Variants in PASD1 observed in about 807,000 individuals in gnomAD.
PASD1 encodes PAS domain containing repressor 1.
A neutral mutation model predicts 58.8 loss-of-function variants in PASD1; 13 were observed. That is an observed-to-expected ratio of 0.22 (90% CI 0.14 to 0.35). PASD1 has a LOEUF of 0.35. Among genes scored for constraint, PASD1 ranks in the 10% least tolerant of loss-of-function variants. The probability of loss-of-function intolerance (pLI) is 1.00; values close to 1 mark genes in which losing one functional copy is unlikely to be tolerated. For missense variants in PASD1, 734 were observed against 568.3 expected (o/e 1.29, Z -2.96); for synonymous variants, 236 against 216.7 (o/e 1.09, Z -0.78).
At chrX:151,574,747 G>T (rs2012977038) in intron 1 of PASD1, among the ~76,000 whole-genome samples, 1 of 112,206 alleles carries the variant, frequency 8.9e-6, no homozygotes, top group African/African-American at 3.2e-5. Flanking sequence ...AATACTATTT[G>T]CCTAAAGTGA....
At chrX:151,598,204 CT>C (rs2013346439) in intron 1 of PASD1, among the ~76,000 whole-genome samples, 1 of 111,636 alleles carries the variant, frequency 9.0e-6, no homozygotes, top group Non-Finnish European at 1.9e-5. Flanking sequence ...CTTTTCAGAG[CT>C]ATTTAGGAAG....
chrX:151,651,847 G>A (rs1260526651), intron 9 of PASD1, among the ~76,000 whole-genome samples: 3 of 111,959 alleles, frequency 2.7e-5, no homozygotes, highest in Non-Finnish European at 5.6e-5. Flanking sequence ...GTTGCCCAAA[G>A]TCACACAGTA....
chrX:151,628,237 T>C (rs1215794161), intron 8 of PASD1, among the ~76,000 whole-genome samples: 7 of 111,806 alleles, frequency 6.3e-5, no homozygotes, highest in Non-Finnish European at 1.1e-4. Flanking sequence ...ATTTTGGCTT[T>C]TGTTGCCATT....
chrX:151,588,283 TATG>T (rs1260312026), intron 1 of PASD1, among the ~76,000 whole-genome samples: 1 of 112,436 alleles, frequency 8.9e-6, no homozygotes, highest in Admixed American at 9.4e-5. Context: ...ACTACAAATA[TATG>T]ATGTGATTAT....
At chrX:151,653,860 C>T (rs1317732345) in intron 9 of PASD1, among the ~76,000 whole-genome samples, 1 of 30,180 alleles carries the variant, frequency 3.3e-5, no homozygotes, top group African/African-American at 9.6e-5. Context: ...CCCTCCCTCC[C>T]TCCCTCCCTC....
At chrX:151,622,323 CAA>C (rs2013723459) in intron 6 of PASD1, among the ~76,000 whole-genome samples, 1 of 110,029 alleles carries the variant, frequency 9.1e-6, no homozygotes, top group Non-Finnish European at 1.9e-5. Flanking sequence ...AAATAGCTAA[CAA>C]ATATATGAAA....
At chrX:151,573,807 G>A (rs982425683) in intron 1 of PASD1, among the ~76,000 whole-genome samples, 9 of 112,045 alleles carry the variant, frequency 8.0e-5, no homozygotes, top group African/African-American at 2.9e-4. Flanking sequence ...GATTGGAAAG[G>A]TGAATTGGGT....
intron 1 of PASD1, among the ~76,000 whole-genome samples, chrX:151,597,810 A>C (rs1276738298): frequency 1.8e-5 from 2 of 111,841 alleles, no homozygotes; most frequent in Non-Finnish European, 3.8e-5. Flanking sequence ...AGCTCACTGC[A>C]ATCTCTGCCT....
intron 1 of PASD1, among the ~76,000 whole-genome samples, chrX:151,568,533 T>C (rs757219721): frequency 3.4e-4 from 38 of 112,578 alleles, no homozygotes; most frequent in African/African-American, 1.2e-3. Flanking sequence ...AATTAAAGCA[T>C]AAATTCATGA....
At chrX:151,612,270 T>G (rs2013574463) in intron 4 of PASD1, among the ~76,000 whole-genome samples, 2 of 99,444 alleles carry the variant, frequency 2.0e-5, no homozygotes, top group Admixed American at 2.1e-4. Context: ...AGTGCCACAG[T>G]AAACATACGA....
At chrX:151,564,512 G>A (rs150707222) in intron 1 of PASD1, among the ~76,000 whole-genome samples, 1,110 of 110,944 alleles carry the variant, frequency 0.01, 9 homozygotes, top group Middle Eastern at 0.046. Flanking sequence ...TACACGGAGA[G>A]CACAGAAGTT....
chrX:151,588,397 G>A (rs1178322660), intron 1 of PASD1, among the ~76,000 whole-genome samples: 1 of 112,250 alleles, frequency 8.9e-6, no homozygotes, highest in Non-Finnish European at 1.9e-5. Flanking sequence ...TCTGCATTCT[G>A]CTTTTCTTCT....
chrX:151,578,014 A>G (rs1031424635), intron 1 of PASD1, among the ~76,000 whole-genome samples: 1 of 112,053 alleles, frequency 8.9e-6, no homozygotes, highest in African/African-American at 3.2e-5. Context: ...TTTTTGTCAC[A>G]GAGACCATTC....
At chrX:151,660,148 G>C (rs971362886) in intron 10 of PASD1, among the ~76,000 whole-genome samples, 46 of 111,935 alleles carry the variant, frequency 4.1e-4, no homozygotes, top group African/African-American at 1.4e-3. Flanking sequence ...CTATCACACA[G>C]TATTTGGATT....
At chrX:151,569,462 C>T (rs2012895638) in intron 1 of PASD1, among the ~76,000 whole-genome samples, 1 of 111,946 alleles carries the variant, frequency 8.9e-6, no homozygotes, top group Non-Finnish European at 1.9e-5. Flanking sequence ...ATTGAAAAGT[C>T]TTTCTGCACA....
chrX:151,600,684 T>C (rs2013403803), intron 1 of PASD1, among the ~76,000 whole-genome samples: 1 of 111,345 alleles, frequency 9.0e-6, no homozygotes, highest in Non-Finnish European at 1.9e-5. Flanking sequence ...ATTTTTCTTT[T>C]CAATGTAATG....
intron 11 of PASD1, among the ~76,000 whole-genome samples, chrX:151,668,316 T>C (rs1329683318): frequency 8.9e-6 from 1 of 111,771 alleles, no homozygotes; most frequent in Non-Finnish European, 1.9e-5. Context: ...GTTTATTGAT[T>C]TGCATATGTT....
chrX:151,587,072 G>A (rs1210184956), intron 1 of PASD1, among the ~76,000 whole-genome samples: 1 of 111,683 alleles, frequency 9.0e-6, no homozygotes, highest in Non-Finnish European at 1.9e-5. Flanking sequence ...ATATTCTGCC[G>A]GAATGTTCAG....
At chrX:151,598,871 G>C (rs1054536617) in intron 1 of PASD1, among the ~76,000 whole-genome samples, 2 of 110,370 alleles carry the variant, frequency 1.8e-5, no homozygotes, top group Non-Finnish European at 3.8e-5. Context: ...TTCTTGGAGA[G>C]GGGGATTTGG....
Sources: allele counts gnomAD v4.1 joint callset (sites outside exome capture counted in the v4.1 genomes callset), GRCh38; gene constraint gnomAD v4.1.1; transcripts MANE v1.5; gene names NCBI Gene and HGNC (gene_info 2026-07-23, HGNC 2026-07-21).